Variants in NDUFA10 observed in about 807,000 individuals in gnomAD.
NDUFA10 encodes the protein NADH:ubiquinone oxidoreductase subunit A10, also known as NADH dehydrogenase [ubiquinone] 1 alpha subcomplex subunit 10, mitochondrial.
NDUFA10 carries 40 observed loss-of-function variants against 47.8 expected under a neutral mutation model. The ratio of observed to expected loss-of-function variants is 0.84; its 90% CI spans 0.65 to 1.09. The LOEUF is 1.09. NDUFA10 is among the 50% of genes least tolerant of loss of function. The pLI is 0.00. For synonymous variants in NDUFA10, 183 were observed against 172.2 expected, an observed-to-expected ratio of 1.06 and a Z score of -0.49; for missense variants, 413 against 451.1, an observed-to-expected ratio of 0.92 and a Z score of 0.76.
At chr2:239,946,545 C>G (rs527416745) in intron 4 of NDUFA10, among the ~76,000 whole-genome samples, 1 of 152,228 alleles carries the variant, frequency 6.6e-6, no homozygotes, top group Non-Finnish European at 1.5e-5. Context: ...ACCCCCACAC[C>G]GTTCAGGTAT....
At chr2:239,892,534 A>G (rs902723646) in exon 6 of NDUFA10, 8 of 152,234 alleles carry the variant, frequency 5.3e-5, no homozygotes, top group African/African-American at 1.9e-4. Context: ...TAACCGAATG[A>G]TCTGGAATCA....
chr2:240,005,319 T>C (rs1424759609), intron 7 of NDUFA10, 24 bp from the exon 8 acceptor site: 67 of 1,574,966 alleles, frequency 4.3e-5, no homozygotes, highest in Non-Finnish European at 5.8e-5. Context: ...AATTCCAATT[T>C]AAACAGAGAA....
chr2:239,990,018 C>T, intron 9 of NDUFA10, 56 bp downstream of exon 9: 1 of 1,264,684 alleles, frequency 7.9e-7, no homozygotes, highest in Non-Finnish European at 1.2e-6. Flanking sequence ...ACTGCATTGT[C>T]CCCAGGTGCT....
chr2:239,982,266 G>C (rs1389565075), intron 9 of NDUFA10: 4 of 1,599,068 alleles, frequency 2.5e-6, no homozygotes, highest in South Asian at 2.2e-5. Context: ...CTCTGACAAA[G>C]GCCGACTTTA....
At chr2:239,969,444 C>CATCTGCTGACCCTT (rs1553563010) in intron 9 of NDUFA10, 1 of 164,520 alleles carries the variant, frequency 6.1e-6, no homozygotes, top group Admixed American at 9.1e-5. Flanking sequence ...TCCTGACCCT[C>CATCTGCTGACCCTT]AGGATCTGCT....
chr2:239,925,853 G>A (rs1370124611), intron 4 of NDUFA10, among the ~76,000 whole-genome samples: 1 of 152,112 alleles, frequency 6.6e-6, no homozygotes, highest in East Asian at 1.9e-4. Flanking sequence ...CAAAAGACAT[G>A]AACAGATATT....
Position 239,961,188 on chromosome 2 carries a change from T to C in NDUFA10, c.1000-2A>G, listed in dbSNP as rs1186206104. 21 of 1,599,128 alleles carry C rather than the reference T, an allele frequency of 1.3e-5. No homozygotes were observed. The highest frequency in any genetic ancestry group is 1.7e-5 in the Non-Finnish European group (20 of 1,171,820). On this transcript the variant is annotated splice_acceptor_variant, in intron 9 of 9. Coordinates refer to ENST00000252711, the MANE Select transcript of NDUFA10 (RefSeq NM_004544.4). LOFTEE classifies it high-confidence loss of function. ...AGGGCTGTACTTGCGGCCCGGCAGCTGTGGGGGAAAAAGGCATTGGTGCAT... is the reference window on the plus strand; with the variant it reads ...AGGGCTGTACTTGCGGCCCGGCAGCCGTGGGGGAAAAAGGCATTGGTGCAT...
intron 4 of NDUFA10, among the ~76,000 whole-genome samples, chr2:239,915,295 CA>C: frequency 6.9e-6 from 1 of 144,778 alleles, no homozygotes; most frequent in Non-Finnish European, 1.5e-5. Flanking sequence ...CAGACACAGA[CA>C]GAGAGACAGA....
intron 9 of NDUFA10, among the ~76,000 whole-genome samples, chr2:239,970,351 C>T (rs1448239755): frequency 3.9e-5 from 6 of 152,076 alleles, no homozygotes; most frequent in African/African-American, 1.4e-4. Flanking sequence ...AGAAAAGCAA[C>T]AGCTAATAGA....
At chr2:240,014,677 C>G (rs1372852122) in intron 5 of NDUFA10, 62 bp downstream of exon 5, 2 of 1,610,020 alleles carry the variant, frequency 1.2e-6, no homozygotes, top group African/African-American at 1.3e-5. Context: ...TAAAACAGGG[C>G]TTTTAGTGCT....
Position 240,017,118 on chromosome 2 carries a change from TC to T in NDUFA10, c.547+1434del. Among the ~76,000 whole-genome samples the T allele has an allele frequency of 1.3e-5, 2 of 152,182 alleles. 1 individual carries two copies. Among genetic ancestry groups the T allele is most frequent in the East Asian group, 3.9e-4 (2 of 5,174 alleles). Reference sequence around the variant, plus strand: ...AGGCTCCTTCCCCTTCCGTCTCTCCTCACCAAATGCATCCTTCAGATGAAGG... The same window carrying T: ...AGGCTCCTTCCCCTTCCGTCTCTCCTACCAAATGCATCCTTCAGATGAAGG... On this transcript the variant is annotated intron_variant, in intron 4 of 9. Coordinates refer to ENST00000252711, the MANE Select transcript of NDUFA10 (RefSeq NM_004544.4).
intron 6 of NDUFA10, among the ~76,000 whole-genome samples, chr2:240,008,956 G>A (rs1697043996): frequency 1.3e-5 from 2 of 152,212 alleles, no homozygotes; most frequent in South Asian, 4.1e-4. Flanking sequence ...CTTGTGAAAG[G>A]AGGCCTAAAA....
chr2:239,928,884 A>T lies in NDUFA10; in HGVS notation c.295-33570T>A, dbSNP rs924806802. Among the ~76,000 whole-genome samples, 1 of 152,022 alleles carries T rather than the reference A, an allele frequency of 6.6e-6. No homozygotes were observed. Among genetic ancestry groups the T allele is most frequent in the African/African-American group, 2.4e-5 (1 of 41,392 alleles). On this transcript the variant is annotated intron_variant, in intron 4 of 5. Coordinates refer to the NDUFA10 transcript ENST00000419408. The surrounding 1 kb of genome is among the most constrained non-coding windows in gnomAD (Gnocchi z 4.3). ...CAGCGGATCCTCCGCGAATCCTCCC[A>T]GCCTTGACTCCGAAACGCTTTGTCT...
At chr2:239,921,177 T>C (rs921794232) in intron 4 of NDUFA10, among the ~76,000 whole-genome samples, 2 of 152,054 alleles carry the variant, frequency 1.3e-5, no homozygotes, top group South Asian at 2.1e-4. Context: ...GCATGAGCCG[T>C]GTAGGTAGGC....
chr2:239,914,160 TACAC>T (rs760281661), intron 4 of NDUFA10, among the ~76,000 whole-genome samples: 4 of 145,068 alleles, frequency 2.8e-5, no homozygotes, highest in Admixed American at 6.8e-5. Context: ...TACACAGAGA[TACAC>T]ACACACACAG....
intron 4 of NDUFA10, among the ~76,000 whole-genome samples, chr2:239,950,500 T>C (rs1445850099): frequency 6.6e-6 from 1 of 152,240 alleles, no homozygotes; most frequent in Non-Finnish European, 1.5e-5. Flanking sequence ...GCATCTGAAG[T>C]GTAGATGTAA....
In NDUFA10 at chr2:239,960,039, A is replaced by G. The variant is rs1694786719; in HGVS notation, c.*1079T>C. On this transcript the variant is annotated 3_prime_UTR_variant, in exon 10 of 10. Coordinates refer to ENST00000252711, the MANE Select transcript of NDUFA10 (RefSeq NM_004544.4). ...ATGGCCAGTGCAACCAAGGAACCCA[A>G]TTTTAAACTCTATTACATTTTAGCT... The G allele has an allele frequency of 3.0e-6, 3 of 985,114 alleles. No individual in the cohort carries two copies. The highest frequency in any genetic ancestry group is 1.7e-5 in the African/African-American group (1 of 57,370). 61.0% of individuals were successfully genotyped at this position (985,114 alleles called of 1,614,324 possible).
chr2:240,024,392 T>C (rs1697767061), intron 1 of NDUFA10, among the ~76,000 whole-genome samples: 1 of 152,244 alleles, frequency 6.6e-6, no homozygotes, highest in African/African-American at 2.4e-5. Context: ...ATTCTAATTA[T>C]ATGACATTCC....
chr2:239,949,674 G>T (rs1001130818), intron 4 of NDUFA10, among the ~76,000 whole-genome samples: 1 of 152,100 alleles, frequency 6.6e-6, no homozygotes, highest in Non-Finnish European at 1.5e-5. Context: ...GAAGAGACAA[G>T]GCCTCATCTA....
Sources: allele counts gnomAD v4.1 joint callset (sites outside exome capture counted in the v4.1 genomes callset), GRCh38; gene constraint gnomAD v4.1.1; non-coding constraint Gnocchi (gnomAD v3.1); transcripts MANE v1.5; gene names NCBI Gene and HGNC (gene_info 2026-07-23, HGNC 2026-07-21).